NPHP1: variants seen among roughly 807,000 people sequenced by gnomAD.
NPHP1 encodes nephrocystin-1.
Under a neutral mutation model 90.4 loss-of-function variants are expected in NPHP1, and 70 were observed. The observed-to-expected ratio is 0.77, with a 90% CI of 0.64 to 0.95. The LOEUF is 0.95. NPHP1 is among the 40% of genes least tolerant of loss of function. The pLI is 0.00. For synonymous variants in NPHP1, 256 were observed against 271.7 expected, an observed-to-expected ratio of 0.94 and a Z score of 0.57; for missense variants, 764 against 795.9, an observed-to-expected ratio of 0.96 and a Z score of 0.48.
intron 6 of NPHP1, among the ~76,000 whole-genome samples, chr2:110,165,570 C>A (rs1682671622): frequency 6.6e-6 from 1 of 151,780 alleles, no homozygotes; most frequent in African/African-American, 2.4e-5. Flanking sequence ...GATACAAAAT[C>A]AAAAATCATA....
Position 110,177,781 on chromosome 2 carries a change from G to A in NPHP1, c.329+642C>T, listed in dbSNP as rs147938850. 9.2e-3 allele frequency among the ~76,000 whole-genome samples: 1,389 copies of A among 150,468 alleles called. 19 individuals are homozygous for A. Among genetic ancestry groups the A allele is most frequent in the Middle Eastern group, 0.051 (15 of 294 alleles). On this transcript the variant is annotated intron_variant, in intron 4 of 19. Transcript: ENST00000445609. ...TTTAATAGAGACAGTGTCTCACTCC[G>A]TTGCCCAGGCTGTGCACTGAGGTGA...
chr2:110,151,874 C>T (rs975999514), intron 11 of NPHP1, among the ~76,000 whole-genome samples: 12 of 152,258 alleles, frequency 7.9e-5, no homozygotes, highest in Middle Eastern at 3.4e-3. Context: ...AAATCCTATA[C>T]TACCTCTGCT....
intron 4 of NPHP1, among the ~76,000 whole-genome samples, chr2:110,173,931 T>G (rs2104594230): frequency 6.6e-6 from 1 of 152,284 alleles, no homozygotes; most frequent in Non-Finnish European, 1.5e-5. Context: ...GGAAGATTTT[T>G]TTTCCTACTG....
chr2:110,168,598 T>C (rs183307068), intron 5 of NPHP1, 45 bp from the exon 6 acceptor site: 3 of 1,280,018 alleles, frequency 2.3e-6, no homozygotes, highest in Non-Finnish European at 3.4e-6. Flanking sequence ...AATTCAATAA[T>C]CATGAGTATA....
intron 2 of NPHP1, among the ~76,000 whole-genome samples, chr2:110,183,605 G>A (rs1684066487): frequency 6.6e-6 from 1 of 152,068 alleles, no homozygotes; most frequent in Non-Finnish European, 1.5e-5. Context: ...TAGCGCCGCT[G>A]GGTTAGGGTC....
At position 110,131,775 on chromosome 2, in the gene NPHP1, A is replaced by G; in HGVS notation, c.1546T>C (p.Leu516=). The G allele has an allele frequency of 6.2e-7, 1 of 1,604,920 alleles. No homozygotes were observed. Among genetic ancestry groups the G allele is most frequent in the Non-Finnish European group, 8.5e-7 (1 of 1,171,802 alleles). The part of the protein sequence containing the change: ...RNVLSLLPET[L]IGNMCSIHLL... ...TGAATAGAACACATATTTCCAATTA[A>G]TGTTTCTGGCAGTAGACTATTAAAG... The change falls in exon 17 of 20, where the codon TTA becomes CTA. Residue 516 remains leucine, a synonymous_variant. Coordinates refer to ENST00000445609, the MANE Select transcript of NPHP1 (RefSeq NM_001128178.3).
chr2:110,154,717 G>C (rs1681756772), intron 11 of NPHP1, among the ~76,000 whole-genome samples: 1 of 152,112 alleles, frequency 6.6e-6, no homozygotes, highest in Non-Finnish European at 1.5e-5. Flanking sequence ...GAACTTCAGA[G>C]AGATGATTTA....
chr2:110,173,261 T>C (rs1237619639), intron 4 of NPHP1, among the ~76,000 whole-genome samples: 1 of 152,142 alleles, frequency 6.6e-6, no homozygotes, highest in Non-Finnish European at 1.5e-5. Flanking sequence ...CTAATTATTT[T>C]TCTGTCATTG....
At chr2:110,175,804 TTCTC>T (rs67219739) in intron 4 of NPHP1, among the ~76,000 whole-genome samples, 20,990 of 151,984 alleles carry the variant, frequency 0.14, 3,046 homozygotes, top group African/African-American at 0.37. Context: ...TTGTGCTTCA[TTCTC>T]TCTCTTATTC....
At chr2:110,168,950 T>C (rs971228419) in intron 5 of NPHP1, among the ~76,000 whole-genome samples, 5 of 152,148 alleles carry the variant, frequency 3.3e-5, no homozygotes, top group Admixed American at 6.5e-5. Flanking sequence ...TCCCAAAGAA[T>C]ATCAATTCCA....
At chr2:110,196,324 G>A (rs1052591842) in intron 2 of NPHP1, among the ~76,000 whole-genome samples, 11 of 151,800 alleles carry the variant, frequency 7.2e-5, no homozygotes, top group South Asian at 2.1e-4. Flanking sequence ...AACAAACGAC[G>A]CCATCAAAAA....
At chr2:110,139,278 T>A (rs1680455402) in intron 16 of NPHP1, among the ~76,000 whole-genome samples, 1 of 151,954 alleles carries the variant, frequency 6.6e-6, no homozygotes, top group Admixed American at 6.6e-5. Context: ...TTAGAACTCA[T>A]GCACTGAAAA....
intron 15 of NPHP1, chr2:110,144,233 A>G (rs553221860): frequency 1.4e-4 from 65 of 471,424 alleles, no homozygotes; most frequent in Non-Finnish European, 1.8e-4. Context: ...CACAAGTATC[A>G]GTTCAGTGGT....
chr2:110,141,343 A>C (rs1286535756), intron 16 of NPHP1, among the ~76,000 whole-genome samples: 2 of 152,058 alleles, frequency 1.3e-5, no homozygotes, highest in Non-Finnish European at 2.9e-5. Context: ...TGTTTTATGT[A>C]TTTTCTTTCC....
chr2:110,142,130 GT>G lies in NPHP1; in HGVS notation c.1529+1411del, dbSNP rs939504791. Among the ~76,000 whole-genome samples, 12 of 152,030 alleles carry G rather than the reference GT, an allele frequency of 7.9e-5. 1 individual carries two copies. The highest frequency in any genetic ancestry group is 6.6e-4 in the Admixed American group (10 of 15,256). ...ACATGCAGAAAATTTGTACACAAAT[GT>G]TTAAAGCAGCTTTATTTATAATTGC... On this transcript the variant is annotated intron_variant, in intron 16 of 19. Transcript: ENST00000445609.
chr2:110,164,493 A>G (rs746680702), intron 8 of NPHP1, 195 bp downstream of exon 8: 24 of 1,183,816 alleles, frequency 2.0e-5, no homozygotes, highest in Non-Finnish European at 2.9e-5. Flanking sequence ...TGTACAAAAA[A>G]AAAAAAAAAC....
chr2:110,137,228 A>T (rs1217264077), intron 16 of NPHP1, among the ~76,000 whole-genome samples: 1 of 152,174 alleles, frequency 6.6e-6, no homozygotes, highest in Non-Finnish European at 1.5e-5. Context: ...ACCCTAGAAG[A>T]AAACCTAGGC....
intron 14 of NPHP1, 69 bp downstream of exon 14, chr2:110,146,684 G>T: frequency 9.0e-7 from 1 of 1,106,304 alleles, no homozygotes; most frequent in Non-Finnish European, 1.4e-6. Flanking sequence ...ACAAACCTGA[G>T]GTATCAAGAG....
At chr2:110,162,943 A>G (rs1682450920) in intron 9 of NPHP1, 105 bp downstream of exon 9, 1 of 768,356 alleles carries the variant, frequency 1.3e-6, no homozygotes, top group South Asian at 1.5e-5. Context: ...GAGATGTGAG[A>G]TTCAACATCT....
Sources: gnomAD v4.1 joint callset for allele counts (sites outside exome capture counted in the v4.1 genomes callset) on GRCh38, gnomAD v4.1.1 for gene constraint, MANE v1.5 for transcripts, NCBI Gene and HGNC (gene_info 2026-07-23, HGNC 2026-07-21) for gene names.